The following RAI14 variants were observed in gnomAD, a reference collection of about 807,000 sequenced individuals.
RAI14 encodes retinoic acid induced 14.
Under a neutral mutation model 115.4 loss-of-function variants are expected in RAI14, and 45 were observed. The ratio of observed to expected loss-of-function variants is 0.39; its 90% confidence interval spans 0.31 to 0.50. The LOEUF (loss-of-function observed/expected upper bound fraction) is 0.50. Among genes scored for constraint, RAI14 ranks in the 20% least tolerant of loss-of-function variants. The pLI is 0.85. For missense variants in RAI14, 939 were observed against 1,131.2 expected (o/e 0.83, Z 2.44); for synonymous variants, 371 against 415.4 (o/e 0.89, Z 1.30).
rs1020755906 is a variant in RAI14 at position 34,803,352 on chromosome 5, A to C, written c.257-360A>C. Among the ~76,000 whole-genome samples the C allele has an allele frequency of 1.1e-4, 16 of 152,224 alleles. No homozygotes were observed. The East Asian group carries it at 3.1e-3, about 29-fold the overall frequency. Reference sequence around the variant, plus strand: ...TGCTTGAGCTCAGGAGTTCGAGATCAGCTTGCGCAACGTGGCGAAATCTCA... The same window carrying C: ...TGCTTGAGCTCAGGAGTTCGAGATCCGCTTGCGCAACGTGGCGAAATCTCA... On this transcript the variant is annotated intron_variant, in intron 4 of 17. Coordinates refer to ENST00000265109, the MANE Select transcript of RAI14 (RefSeq NM_015577.3).
rs565597265 is a variant in RAI14 at position 34,823,571 on chromosome 5, G to A, written c.1729G>A (p.Glu577Lys). 9.3e-6 allele frequency: 15 copies of A among 1,614,072 alleles called. No homozygotes were observed. Among genetic ancestry groups the A allele is most frequent in the Admixed American group, 1.7e-5 (1 of 60,008 alleles). ...TVIKPPVEEY[E>K]EMKSSYCSVI... is the part of the protein sequence containing the mutation. ...GATTAAGCCACCTGTGGAAGAGTACGAGGAAATGAAAAGTTCATATTGCTC... is the reference window on the plus strand; with the variant it reads ...GATTAAGCCACCTGTGGAAGAGTACAAGGAAATGAAAAGTTCATATTGCTC... Residue 577 changes from glutamate (E) to lysine (K), a missense_variant, in exon 15 of 18, where the codon GAG becomes AAG. By Grantham distance (56) the Glu-to-Lys change is moderately conservative. Transcript: ENST00000265109. This position sits in a 1 kb window ranked among gnomAD's most constrained non-coding sequence, Gnocchi z 4.5.
intron 3 of RAI14, among the ~76,000 whole-genome samples, chr5:34,783,756 A>G (rs1751954751): frequency 6.6e-6 from 1 of 152,214 alleles, no homozygotes; most frequent in South Asian, 2.1e-4. Flanking sequence ...TGAGAATTAT[A>G]TGGGATGCCA....
At chr5:34,687,676 T>G (rs1374764749) in intron 2 of RAI14, 1 of 1,551,194 alleles carries the variant, frequency 6.4e-7, no homozygotes, top group Non-Finnish European at 8.7e-7. Context: ...TTGAGCAGAG[T>G]TGTGGAGTGG....
chr5:34,823,063 A>G lies in RAI14; in HGVS notation c.1221A>G (p.Pro407=). The G allele has an allele frequency of 1.2e-6, 2 of 1,613,076 alleles. No homozygotes were observed. Among genetic ancestry groups the G allele is most frequent in the Non-Finnish European group, 1.7e-6 (2 of 1,179,076 alleles). Residue 407 remains proline (P), a synonymous_variant, in exon 15 of 18, where the codon CCA becomes CCG. Coordinates refer to ENST00000265109, the MANE Select transcript of RAI14 (RefSeq NM_015577.3). This position sits in a 1 kb window ranked among gnomAD's most constrained non-coding sequence, Gnocchi z 4.5. ...SLGKPGETSP[P]DSKSSPSVLI... is the part of the protein sequence containing the mutation. The stretch of plus-strand genomic sequence containing the variant: ...GAAAACCTGGTGAAACCTCTCCCCC[A>G]GACTCCAAATCATCTCCATCTGTCT...
chr5:34,663,982 A>G (rs1458743469), intron 1 of RAI14, among the ~76,000 whole-genome samples: 1 of 152,108 alleles, frequency 6.6e-6, no homozygotes, highest in East Asian at 1.9e-4. Context: ...ATTCACTGGA[A>G]ATTAGTCTTG....
intron 2 of RAI14, among the ~76,000 whole-genome samples, chr5:34,750,363 T>G (rs115290890): frequency 0.011 from 1,682 of 152,184 alleles, 24 homozygotes; most frequent in African/African-American, 0.038. Flanking sequence ...TATGCAAGTT[T>G]TTGTGTGGAT....
At chr5:34,807,993 C>T (rs1028722339) in intron 6 of RAI14, 136 bp downstream of exon 6, 5 of 747,072 alleles carry the variant, frequency 6.7e-6, no homozygotes, top group Non-Finnish European at 1.2e-5. Context: ...TCCCATTTTA[C>T]TCTGTTTGTA....
intron 3 of RAI14, among the ~76,000 whole-genome samples, chr5:34,795,040 G>C (rs1753345406): frequency 6.6e-6 from 1 of 152,188 alleles, no homozygotes; most frequent in South Asian, 2.1e-4. Context: ...ACTGAGAGAA[G>C]GGAAACCTGC....
At chr5:34,708,888 A>G (rs542885235) in intron 2 of RAI14, among the ~76,000 whole-genome samples, 2 of 152,176 alleles carry the variant, frequency 1.3e-5, no homozygotes, top group African/African-American at 4.8e-5. Flanking sequence ...GATGCCTGTA[A>G]TCCCATATCT....
intron 2 of RAI14, among the ~76,000 whole-genome samples, chr5:34,701,806 G>C (rs528115605): frequency 6.6e-6 from 1 of 151,558 alleles, no homozygotes; most frequent in Non-Finnish European, 1.5e-5. Context: ...TACAGAATTT[G>C]ACTCTCCCTT....
At chr5:34,727,184 G>A (rs771528803) in intron 2 of RAI14, among the ~76,000 whole-genome samples, 4 of 152,186 alleles carry the variant, frequency 2.6e-5, no homozygotes, top group Non-Finnish European at 5.9e-5. Context: ...GGGAATTGGA[G>A]TAAAGGTCAC....
chr5:34,756,736 A>G (rs1747934478), intron 2 of RAI14, among the ~76,000 whole-genome samples: 1 of 152,202 alleles, frequency 6.6e-6, no homozygotes, highest in South Asian at 2.1e-4. Flanking sequence ...GCTCTTATAT[A>G]GAAATCGTCT....
intron 2 of RAI14, among the ~76,000 whole-genome samples, chr5:34,752,431 T>C (rs1328812813): frequency 6.6e-6 from 1 of 151,800 alleles, no homozygotes; most frequent in Non-Finnish European, 1.5e-5. Context: ...AACCGTAAGC[T>C]CTCGAACAAA....
chr5:34,656,887 C>T (rs942175746), intron 1 of RAI14: 2 of 152,300 alleles, frequency 1.3e-5, no homozygotes, highest in African/African-American at 4.8e-5. Flanking sequence ...CCTGTTTCGC[C>T]CCGCGCGGCG....
chr5:34,723,433 G>C lies in RAI14; in HGVS notation c.37-34035G>C, dbSNP rs563059559. On this transcript the variant is annotated intron_variant, in intron 2 of 17. Coordinates refer to ENST00000265109, the MANE Select transcript of RAI14 (RefSeq NM_015577.3). ...AATACCTTTTTTGTGTGAGATCTAA[G>C]TCTTTTGGTCTTCAACTATTCGGAT... Among the ~76,000 whole-genome samples, 13 of 152,274 alleles carry C rather than the reference G, an allele frequency of 8.5e-5. No homozygotes were observed. In the East Asian group the frequency reaches 2.5e-3, roughly 29 times the overall value.
rs765395364 is a variant in RAI14 at position 34,826,355 on chromosome 5, C to G, written c.2675C>G (p.Thr892Ser). Residue 892 changes from threonine to serine, a missense_variant, in exon 16 of 18, where the codon ACC (threonine) becomes AGC (serine). Thr to Ser is a moderately conservative substitution (Grantham distance 58). Transcript: ENST00000265109. ...KKINEMSKEVTKLKEALNSLS... is the reference protein window; with the variant it reads ...KKINEMSKEVSKLKEALNSLS... ...ATAAATGAGATGTCGAAGGAAGTCA[C>G]CAAATTGAAGGAGGCCTTGAACAGC... is the stretch of plus-strand genomic sequence containing the variant. 1 of 1,613,790 alleles carries G rather than the reference C, an allele frequency of 6.2e-7. No homozygotes were observed. The highest frequency in any genetic ancestry group is 1.3e-5 in the African/African-American group (1 of 74,902).
At chr5:34,752,570 C>T (rs753470010) in intron 2 of RAI14, among the ~76,000 whole-genome samples, 2 of 151,782 alleles carry the variant, frequency 1.3e-5, no homozygotes, top group Non-Finnish European at 2.9e-5. Context: ...GGAGAGGGCC[C>T]GCGGGGCTTG....
At chr5:34,757,694 C>T in intron 3 of RAI14, 96 bp downstream of exon 3, 1 of 1,402,442 alleles carries the variant, frequency 7.1e-7, no homozygotes, top group East Asian at 2.4e-5. Flanking sequence ...CACACGTGCT[C>T]CCTCTCCACT....
chr5:34,684,762 A>C (rs1457315084), intron 1 of RAI14: 2 of 152,140 alleles, frequency 1.3e-5, no homozygotes, highest in East Asian at 3.9e-4. Flanking sequence ...TGCACTCCCC[A>C]CCCATCCTCT....
Sources: allele counts gnomAD v4.1 joint callset (sites outside exome capture counted in the v4.1 genomes callset), GRCh38; gene constraint gnomAD v4.1.1; non-coding constraint Gnocchi (gnomAD v3.1); transcripts MANE v1.5; gene names NCBI Gene and HGNC (gene_info 2026-07-23, HGNC 2026-07-21).